Variants in PTPRN2 observed in about 807,000 individuals in gnomAD.
PTPRN2 encodes receptor-type tyrosine-protein phosphatase N2.
In PTPRN2, 74 loss-of-function variants were observed where a neutral mutation model predicts 118.8. The observed-to-expected ratio is 0.62, with a 90% CI of 0.52 to 0.76. The LOEUF is 0.76. Among genes scored for constraint, PTPRN2 ranks in the 30% least tolerant of loss-of-function variants. The probability of loss-of-function intolerance (pLI) is 0.00; values close to 1 mark genes in which losing one functional copy is unlikely to be tolerated. For missense variants in PTPRN2, 1,481 were observed against 1,394.4 expected (o/e 1.06, Z -0.99); for synonymous variants, 641 against 608.0 (o/e 1.05, Z -0.80).
intron 11 of PTPRN2, among the ~76,000 whole-genome samples, chr7:157,942,231 C>T (rs1800190665): frequency 6.7e-6 from 1 of 148,696 alleles, no homozygotes; most frequent in South Asian, 2.1e-4. Flanking sequence ...ACACGGGAGT[C>T]CTCGGCACGC....
intron 2 of PTPRN2, among the ~76,000 whole-genome samples, chr7:158,485,232 C>A (rs1290829337): frequency 6.6e-6 from 1 of 152,122 alleles, no homozygotes; most frequent in Non-Finnish European, 1.5e-5. Context: ...TCCCTCCAAA[C>A]GGAGAGCGCG....
At position 158,499,785 on chromosome 7, in the gene PTPRN2, A is replaced by ATGTGTG. The variant is rs760084326; in HGVS notation, c.113-10006_113-10001dup. 8.6e-4 allele frequency among the ~76,000 whole-genome samples: 123 copies of ATGTGTG among 143,702 alleles called. 3 individuals are homozygous for ATGTGTG. Among genetic ancestry groups the ATGTGTG allele is most frequent in the South Asian group, 3.2e-3 (14 of 4,372 alleles). The allele number at this position is 143,702 out of a possible 152,430, so 94.3% of individuals were successfully genotyped here. On this transcript the variant is annotated intron_variant, in intron 1 of 22. Coordinates refer to ENST00000389418, the MANE Select transcript of PTPRN2 (RefSeq NM_002847.5). ...GACTCCATCTCAAATATATGTGTGT[A>ATGTGTG]TGTGTGTGTGTGTGTGTGTGTGTAT...
intron 2 of PTPRN2, among the ~76,000 whole-genome samples, chr7:158,330,123 C>G (rs1459225341): frequency 1.8e-4 from 16 of 91,066 alleles, no homozygotes; most frequent in South Asian, 7.8e-4. Context: ...ACCATAAGAG[C>G]TGACACCCGC....
rs1798284863 is a variant in PTPRN2 at position 158,270,770 on chromosome 7, GTCCACCTGGACCA to G, written c.277+46036_277+46048del. Reference sequence around the variant, plus strand: ...CCGTCTTCTCCACCTGGACCACCCCGTCCACCTGGACCACCCCTCCACCTGGACCACCCCCTCA... The same window carrying G: ...CCGTCTTCTCCACCTGGACCACCCCGCCCCTCCACCTGGACCACCCCCTCA... On this transcript the variant is annotated intron_variant, in intron 3 of 22. Transcript: ENST00000389418. Among the ~76,000 whole-genome samples, 3 of 78,574 alleles carry G rather than the reference GTCCACCTGGACCA, an allele frequency of 3.8e-5. 1 individual carries two copies. Among genetic ancestry groups the G allele is most frequent in the African/African-American group, 1.8e-4 (3 of 16,594 alleles). The allele number at this position is 78,574 out of a possible 152,430, so 51.5% of individuals were successfully genotyped here.
chr7:157,921,219 C>G (rs1798675805), intron 11 of PTPRN2, among the ~76,000 whole-genome samples: 1 of 152,118 alleles, frequency 6.6e-6, no homozygotes, highest in Non-Finnish European at 1.5e-5. Flanking sequence ...GTGAAAGAAG[C>G]CATCCTGGAA....
intron 12 of PTPRN2, among the ~76,000 whole-genome samples, chr7:157,712,751 CAAAAAAAAAAA>C (rs755055515): frequency 1.1e-5 from 1 of 89,930 alleles, no homozygotes; most frequent in Non-Finnish European, 2.1e-5. Context: ...AACTCCATCT[CAAAAAAAAAAA>C]AAAAAAAAAA....
At position 157,571,202 on chromosome 7, in the gene PTPRN2, T is replaced by TTAAAA. The variant is rs1554494502; in HGVS notation, c.2837+237_2837+238insTTTTA. 5.4e-5 allele frequency among the ~76,000 whole-genome samples: 7 copies of TTAAAA among 129,520 alleles called. 2 individuals are homozygous for TTAAAA. The highest frequency in any genetic ancestry group is 4.8e-5 in the Non-Finnish European group (3 of 62,960). The allele number at this position is 129,520 out of a possible 152,430, so 85.0% of individuals were successfully genotyped here. A position where few individuals can be genotyped will look rare whatever the true frequency, so the allele number is the denominator to read the frequency against. On this transcript the variant is annotated intron_variant, in intron 20 of 22. Transcript: ENST00000389418. ...TGCACTGCAGCGTGGGCAACAGAGT[T>TTAAAA]AAAAAAAAAAAAAAAAAAAAGCAAG...
intron 2 of PTPRN2, among the ~76,000 whole-genome samples, chr7:158,375,955 G>C (rs1458201590): frequency 6.6e-6 from 1 of 152,080 alleles, no homozygotes. Context: ...CCTTCAATTT[G>C]TCCCTGTGAC....
intron 10 of PTPRN2, among the ~76,000 whole-genome samples, chr7:158,104,810 C>CCA (rs1163229617): frequency 2.7e-5 from 4 of 148,494 alleles, no homozygotes; most frequent in Admixed American, 6.8e-5. Context: ...CATCCCAACT[C>CCA]CACACAGCTC....
intron 1 of PTPRN2, among the ~76,000 whole-genome samples, chr7:158,551,455 C>A (rs1368806769): frequency 1.4e-5 from 2 of 140,678 alleles, no homozygotes; most frequent in Non-Finnish European, 1.5e-5. Flanking sequence ...CCTGCCTAAC[C>A]CATTGCATCT....
chr7:157,926,203 A>G (rs1798981905), intron 11 of PTPRN2, among the ~76,000 whole-genome samples: 1 of 152,026 alleles, frequency 6.6e-6, no homozygotes, highest in African/African-American at 2.4e-5. Context: ...CTGAGGGTCC[A>G]TGCATTACCT....
intron 2 of PTPRN2, among the ~76,000 whole-genome samples, chr7:158,322,114 T>TG (rs904388271): frequency 6.6e-6 from 1 of 152,162 alleles, no homozygotes; most frequent in African/African-American, 2.4e-5. Context: ...CTTCCTGTTC[T>TG]GGGAGCAGGT....
At chr7:157,542,361 C>A (rs987797457) in intron 22 of PTPRN2, among the ~76,000 whole-genome samples, 1 of 151,956 alleles carries the variant, frequency 6.6e-6, no homozygotes, top group African/African-American at 2.4e-5. Flanking sequence ...TTTTGGGAAG[C>A]GAAATGCAAG....
In PTPRN2 at chr7:157,598,604, A is replaced by G. The variant is rs963391363; in HGVS notation, c.2419-3289T>C. 3.9e-5 allele frequency among the ~76,000 whole-genome samples: 6 copies of G among 152,360 alleles called. No individual in the cohort carries two copies. Among genetic ancestry groups the G allele is most frequent in the African/African-American group, 1.4e-4 (6 of 41,580 alleles). ...GTCCTTTAGCTCTGGATTCCAGTGCACGTGCATGTGCAGACTCGTCTGTGT... is the reference window on the plus strand; with the variant it reads ...GTCCTTTAGCTCTGGATTCCAGTGCGCGTGCATGTGCAGACTCGTCTGTGT... On this transcript the variant is annotated intron_variant, in intron 16 of 22. Transcript: ENST00000389418. This position sits in a 1 kb window ranked among gnomAD's most constrained non-coding sequence, Gnocchi z 5.2.
At chr7:157,709,910 A>G (rs1419053605) in intron 12 of PTPRN2, among the ~76,000 whole-genome samples, 1 of 152,138 alleles carries the variant, frequency 6.6e-6, no homozygotes, top group African/African-American at 2.4e-5. Flanking sequence ...GTTTTGGGGG[A>G]GCAGTGGTTC....
intron 12 of PTPRN2, among the ~76,000 whole-genome samples, chr7:157,732,095 C>T (rs866869782): frequency 3.4e-4 from 18 of 52,434 alleles, no homozygotes; most frequent in Admixed American, 7.9e-4. Context: ...GTTACCCTTT[C>T]CCGTCCCACG....
At position 157,618,241 on chromosome 7, in the gene PTPRN2, C is replaced by T. The variant is rs908183821; in HGVS notation, c.2344+3121G>A. 2 of 152,414 alleles carry T rather than the reference C, an allele frequency of 1.3e-5. No individual in the cohort carries two copies. The highest frequency in any genetic ancestry group is 4.8e-5 in the African/African-American group (2 of 41,586). The allele number at this position is 152,414 out of a possible 1,614,324, so 9.4% of individuals were successfully genotyped here. Reference sequence around the variant, plus strand: ...GAGAAGGGAGGGGTGGTCCCGAGGACCCTTTCCATAGACCTGGGAGTTCCC... The same window carrying T: ...GAGAAGGGAGGGGTGGTCCCGAGGATCCTTTCCATAGACCTGGGAGTTCCC... On this transcript the variant is annotated intron_variant, in intron 15 of 22. Coordinates refer to ENST00000389418, the MANE Select transcript of PTPRN2 (RefSeq NM_002847.5). The surrounding 1 kb of genome is among the most constrained non-coding windows in gnomAD (Gnocchi z 4.2).
intron 2 of PTPRN2, among the ~76,000 whole-genome samples, chr7:158,327,285 TCA>T (rs534113592): frequency 0.015 from 2,247 of 145,916 alleles, 56 homozygotes; most frequent in African/African-American, 0.051. Context: ...TCACACATGC[TCA>T]CACATGTACA....
chr7:158,145,561 G>A (rs1819864921), intron 6 of PTPRN2, among the ~76,000 whole-genome samples: 1 of 152,242 alleles, frequency 6.6e-6, no homozygotes, highest in Non-Finnish European at 1.5e-5. Flanking sequence ...ATGGCAACGT[G>A]AGCAGAAAGG....
Sources: allele counts gnomAD v4.1 joint callset (sites outside exome capture counted in the v4.1 genomes callset), GRCh38; gene constraint gnomAD v4.1.1; non-coding constraint Gnocchi (gnomAD v3.1); transcripts MANE v1.5; gene names NCBI Gene and HGNC (gene_info 2026-07-23, HGNC 2026-07-21).